Variants in PAX5 observed in about 807,000 individuals in gnomAD.
PAX5 encodes paired box 5.
PAX5 carries 9 observed loss-of-function variants against 43.7 expected under a neutral mutation model. That is an observed-to-expected ratio of 0.21 (90% confidence interval 0.12 to 0.36). The LOEUF is 0.36. Among genes scored for constraint, PAX5 ranks in the 10% least tolerant of loss-of-function variants. The pLI is 1.00. For missense variants in PAX5, 383 were observed against 532.7 expected (o/e 0.72, Z 2.77); for synonymous variants, 228 against 214.3 (o/e 1.06, Z -0.56).
Position 37,020,795 on chromosome 9 carries a change from C to T in PAX5, c.53G>A (p.Gly18Glu). 1.2e-6 allele frequency: 2 copies of T among 1,614,126 alleles called. No individual in the cohort carries two copies. Residue 18 changes from glycine (G) to glutamate (E), a missense_variant, in exon 2 of 10, where the codon GGA (glycine) becomes GAA (glutamate). Transcript: ENST00000358127. ...AACCCCCCCAAGCTGATTCACTCCT[C>T]CATGTCCTGAAACAGATCAGAAACA... ...PTPRTSRTGHGGVNQLGGVFV... is the reference protein window; with the variant it reads ...PTPRTSRTGHEGVNQLGGVFV...
chr9:36,976,739 T>C (rs1373253137), intron 5 of PAX5, among the ~76,000 whole-genome samples: 1 of 152,220 alleles, frequency 6.6e-6, no homozygotes, highest in Non-Finnish European at 1.5e-5. Context: ...GCCAAATACG[T>C]TCAGGTTTGA....
chr9:36,846,767 G>T, intron 9 of PAX5, 76 bp downstream of exon 9: 1 of 1,027,918 alleles, frequency 9.7e-7, no homozygotes, highest in South Asian at 1.3e-5. Flanking sequence ...GATGTCGAGG[G>T]ACCCAGGCCA....
At chr9:36,905,658 T>C (rs551138810) in intron 7 of PAX5, among the ~76,000 whole-genome samples, 28 of 152,010 alleles carry the variant, frequency 1.8e-4, no homozygotes, top group Admixed American at 1.6e-3. Flanking sequence ...GGCAGCTTCA[T>C]AGATAGGCAG....
intron 6 of PAX5, among the ~76,000 whole-genome samples, chr9:36,946,269 C>T (rs1198109761): frequency 1.3e-5 from 2 of 152,224 alleles, no homozygotes; most frequent in African/African-American, 2.4e-5. Context: ...TCAGGAACTC[C>T]GCAATGCCAA....
intron 3 of PAX5, among the ~76,000 whole-genome samples, chr9:37,009,460 A>C (rs1381301420): frequency 6.6e-6 from 1 of 152,252 alleles, no homozygotes; most frequent in Non-Finnish European, 1.5e-5. Context: ...TGTTATTTTC[A>C]GTGGTGTCTT....
chr9:36,939,315 C>A (rs1011530612), intron 6 of PAX5, among the ~76,000 whole-genome samples: 1 of 152,082 alleles, frequency 6.6e-6, no homozygotes, highest in Non-Finnish European at 1.5e-5. Flanking sequence ...CTGGGGGATG[C>A]CCTACGTGTC....
intron 5 of PAX5, among the ~76,000 whole-genome samples, chr9:36,999,433 C>T (rs573360637): frequency 3.3e-5 from 5 of 152,328 alleles, no homozygotes; most frequent in African/African-American, 9.6e-5. Flanking sequence ...CAGTCTTGCT[C>T]GCCACCTTAC....
rs1046676330 is a variant in PAX5 at position 36,833,367 on chromosome 9, A to G, written c.*7193T>C. On this transcript the variant is annotated 3_prime_UTR_variant, in exon 10 of 10. Transcript: ENST00000358127. ...CTCACATAAAGGTTACATAAAATCA[A>G]TTCTTCACAAGTAACAGCCACTCAT... is the stretch of plus-strand genomic sequence containing the variant. 7 of 233,122 alleles carry G rather than the reference A, an allele frequency of 3.0e-5. No individual in the cohort carries two copies. Among genetic ancestry groups the G allele is most frequent in the Middle Eastern group, 1.2e-3 (1 of 808 alleles). 14.4% of individuals were successfully genotyped at this position (233,122 alleles called of 1,614,324 possible).
intron 1 of PAX5, 94 bp downstream of exon 1, chr9:37,033,892 G>A: frequency 2.8e-6 from 3 of 1,081,032 alleles, no homozygotes; most frequent in South Asian, 1.3e-5. Context: ...AAAATGCGGC[G>A]CGCCCCCTCC....
intron 4 of PAX5, among the ~76,000 whole-genome samples, chr9:37,004,951 C>T (rs1292601908): frequency 2.0e-5 from 3 of 152,180 alleles, no homozygotes; most frequent in Admixed American, 1.3e-4. Context: ...CTCTAAGGGG[C>T]TATATGTATG....
intron 1 of PAX5, among the ~76,000 whole-genome samples, chr9:37,028,434 G>A (rs1840645927): frequency 6.6e-6 from 1 of 152,238 alleles, no homozygotes; most frequent in African/African-American, 2.4e-5. Context: ...GAAAGGCAGA[G>A]ACGTTGGGGG....
At chr9:36,998,419 C>A (rs7026505) in intron 5 of PAX5, among the ~76,000 whole-genome samples, 2 of 152,088 alleles carry the variant, frequency 1.3e-5, no homozygotes, top group African/African-American at 4.8e-5. Flanking sequence ...CAAAAGCACC[C>A]TTGACTGAGG....
chr9:36,848,350 C>CACACACACACACACACA (rs139370055), intron 8 of PAX5, among the ~76,000 whole-genome samples: 5 of 136,366 alleles, frequency 3.7e-5, no homozygotes, highest in African/African-American at 5.7e-5. Flanking sequence ...CAGAGCGTGT[C>CACACACACACACACACA]CACACACACA....
rs1588296470 is a variant in PAX5 at position 37,034,218 on chromosome 9, T to G, written c.-187A>C. ...CTGATCACTGAGCTGAAACTAAACG[T>G]TTTAGGTGGAAAAAAAGCGTCCGAA... On this transcript the variant is annotated 5_prime_UTR_variant, in exon 1 of 10. Coordinates refer to ENST00000358127, the MANE Select transcript of PAX5 (RefSeq NM_016734.3). 1 of 580,320 alleles carries G rather than the reference T, an allele frequency of 1.7e-6. No individual in the cohort carries two copies. Among genetic ancestry groups the G allele is most frequent in the African/African-American group, 1.9e-5 (1 of 51,696 alleles). 35.9% of individuals were successfully genotyped at this position (580,320 alleles called of 1,614,324 possible). A position where few individuals can be genotyped will look rare whatever the true frequency, so the allele number is the denominator to read the frequency against.
chr9:36,949,350 G>A (rs1027469209), intron 6 of PAX5, among the ~76,000 whole-genome samples: 20 of 152,128 alleles, frequency 1.3e-4, no homozygotes, highest in African/African-American at 3.4e-4. Flanking sequence ...GTGAGCCACC[G>A]TGCCCGGCCA....
chr9:36,956,632 T>C (rs1394460326), intron 6 of PAX5, among the ~76,000 whole-genome samples: 1 of 152,242 alleles, frequency 6.6e-6, no homozygotes, highest in Non-Finnish European at 1.5e-5. Flanking sequence ...ACTGGGGAGC[T>C]GTCCTTGTGC....
At chr9:36,988,109 C>G (rs1836607458) in intron 5 of PAX5, among the ~76,000 whole-genome samples, 1 of 152,036 alleles carries the variant, frequency 6.6e-6, no homozygotes, top group Non-Finnish European at 1.5e-5. Flanking sequence ...CTCAGTGGGT[C>G]CTAACCGAGG....
chr9:36,985,145 C>A (rs1212917571), intron 5 of PAX5, among the ~76,000 whole-genome samples: 3 of 152,182 alleles, frequency 2.0e-5, no homozygotes, highest in Non-Finnish European at 4.4e-5. Flanking sequence ...TCAGTTTGTC[C>A]GTCTTCAAAT....
Position 37,034,250 on chromosome 9 carries a change from GTGAAATGATTAAGGA to G in PAX5, c.-234_-220del. The G allele has an allele frequency of 1.8e-6, 1 of 552,876 alleles. No homozygotes were observed. 34.2% of individuals were successfully genotyped at this position (552,876 alleles called of 1,614,324 possible). On this transcript the variant is annotated 5_prime_UTR_variant, in exon 1 of 10. Transcript: ENST00000358127. ...TGGAAAAAAAGCGTCCGAAGGCACC[GTGAAATGATTAAGGA>G]ACTAAAGAGCTTCTCGCCATGTGAG...
Sources: allele counts gnomAD v4.1 joint callset (sites outside exome capture counted in the v4.1 genomes callset), GRCh38; gene constraint gnomAD v4.1.1; transcripts MANE v1.5; gene names NCBI Gene and HGNC (gene_info 2026-07-23, HGNC 2026-07-21).